The following ADCK1 variants were observed in gnomAD, a reference collection of about 807,000 sequenced individuals.
The protein encoded by ADCK1 is aarF domain containing kinase 1.
In ADCK1, 41 loss-of-function variants were observed where a neutral mutation model predicts 52.3. The observed-to-expected ratio is 0.78, with a 90% CI of 0.61 to 1.02. The LOEUF (loss-of-function observed/expected upper bound fraction) is 1.02. Ranked by LOEUF, ADCK1 falls within the 50% of genes least tolerant of loss-of-function variation. The pLI is 0.00. For missense variants in ADCK1, 658 were observed against 679.5 expected, an observed-to-expected ratio of 0.97 and a Z score of 0.35; for synonymous variants, 250 against 274.6, an observed-to-expected ratio of 0.91 and a Z score of 0.89.
intron 4 of ADCK1, among the ~76,000 whole-genome samples, chr14:77,883,406 G>A (rs533811943): frequency 2.7e-5 from 4 of 149,224 alleles, no homozygotes; most frequent in South Asian, 2.2e-4. Flanking sequence ...AGCTGCATGG[G>A]GGGTATAATT....
intron 4 of ADCK1, among the ~76,000 whole-genome samples, chr14:77,876,592 G>T (rs2082904665): frequency 6.6e-6 from 1 of 152,196 alleles, no homozygotes. Context: ...GTCACAACTG[G>T]TTACCTCTGT....
chr14:77,834,615 G>A (rs994747689), intron 3 of ADCK1, among the ~76,000 whole-genome samples: 4 of 152,202 alleles, frequency 2.6e-5, no homozygotes, highest in African/African-American at 9.7e-5. Flanking sequence ...ACAACCCCCT[G>A]GGTTTTTGGT....
intron 4 of ADCK1, among the ~76,000 whole-genome samples, chr14:77,880,768 A>G (rs145122655): frequency 4.6e-5 from 7 of 152,350 alleles, no homozygotes; most frequent in African/African-American, 1.7e-4. Context: ...CCCTGCTAAA[A>G]TACAAGTGTG....
At chr14:77,807,253 A>G (rs992920693) in intron 1 of ADCK1, among the ~76,000 whole-genome samples, 7 of 145,310 alleles carry the variant, frequency 4.8e-5, no homozygotes, top group African/African-American at 1.5e-4. Flanking sequence ...TATTTTTAGT[A>G]GAGACGGGGT....
chr14:77,841,386 T>A (rs2082062432), intron 3 of ADCK1, among the ~76,000 whole-genome samples: 1 of 152,134 alleles, frequency 6.6e-6, no homozygotes, highest in South Asian at 2.1e-4. Context: ...CAGGGCCTCC[T>A]ACGTGGCAGT....
At chr14:77,827,350 CAAAAA>C (rs772586548) in intron 3 of ADCK1, among the ~76,000 whole-genome samples, 2 of 72,064 alleles carry the variant, frequency 2.8e-5, no homozygotes, top group African/African-American at 4.7e-5. Context: ...GACTCTGTCT[CAAAAA>C]AAAAAAAAAA....
At chr14:77,848,102 A>T (rs2082208802) in intron 3 of ADCK1, among the ~76,000 whole-genome samples, 2 of 152,038 alleles carry the variant, frequency 1.3e-5, no homozygotes, top group Admixed American at 6.6e-5. Context: ...TGGGGGTCTC[A>T]TTTTGCTGAC....
intron 1 of ADCK1, among the ~76,000 whole-genome samples, chr14:77,806,696 G>A (rs548339482): frequency 3.2e-4 from 48 of 152,230 alleles, no homozygotes; most frequent in Non-Finnish European, 3.1e-4. Flanking sequence ...TCTGACCTGT[G>A]TCCAGGTTAT....
intron 9 of ADCK1, among the ~76,000 whole-genome samples, chr14:77,930,560 G>A (rs193220733): frequency 1.3e-3 from 196 of 152,268 alleles, no homozygotes; most frequent in African/African-American, 4.5e-3. Context: ...GAGGAGGTGT[G>A]GTATTGCCAG....
intron 7 of ADCK1, among the ~76,000 whole-genome samples, chr14:77,919,661 C>T (rs1264591843): frequency 6.6e-6 from 1 of 152,344 alleles, no homozygotes; most frequent in East Asian, 1.9e-4. Context: ...AATCTCCACA[C>T]TGTTTCCCAT....
At chr14:77,873,834 AT>A (rs1437568650) in intron 4 of ADCK1, among the ~76,000 whole-genome samples, 8 of 152,228 alleles carry the variant, frequency 5.3e-5, no homozygotes, top group Non-Finnish European at 1.0e-4. Flanking sequence ...CTGTAAGTCA[AT>A]TAAACCTGTT....
chr14:77,901,493 G>C (rs922100846), intron 6 of ADCK1, among the ~76,000 whole-genome samples: 1 of 151,830 alleles, frequency 6.6e-6, no homozygotes, highest in East Asian at 1.9e-4. Context: ...GGGTTCAGGC[G>C]ATTCTCCTGC....
chr14:77,900,802 C>G (rs1300751307), intron 6 of ADCK1: 8 of 329,392 alleles, frequency 2.4e-5, no homozygotes, highest in Non-Finnish European at 4.8e-5. Context: ...TCAAACTATT[C>G]CCTAACATAT....
At position 77,800,152 on chromosome 14, in the gene ADCK1, C is replaced by T. The variant is rs926556444; in HGVS notation, c.-30C>T. On this transcript the variant is annotated 5_prime_UTR_variant, in exon 1 of 11. Transcript: ENST00000238561. ...GGTTGCGGCCGGAAGCCGGGCGCCGCGGCTCTGCTTCCCTCGGGGTGAGTA... is the reference window on the plus strand; with the variant it reads ...GGTTGCGGCCGGAAGCCGGGCGCCGTGGCTCTGCTTCCCTCGGGGTGAGTA... 1.3e-5 allele frequency: 2 copies of T among 152,306 alleles called. No homozygotes were observed. Among genetic ancestry groups the T allele is most frequent in the South Asian group, 4.1e-4 (2 of 4,836 alleles). The allele number at this position is 152,306 out of a possible 1,614,324, so 9.4% of individuals were successfully genotyped here.
chr14:77,870,548 G>A (rs2082754456), intron 4 of ADCK1, among the ~76,000 whole-genome samples: 1 of 152,174 alleles, frequency 6.6e-6, no homozygotes, highest in Admixed American at 6.5e-5. Context: ...CTGCGAGGAG[G>A]CTCTTTCCAT....
chr14:77,807,508 AT>A (rs35510266), intron 1 of ADCK1, among the ~76,000 whole-genome samples: 3,081 of 130,268 alleles, frequency 0.024, 40 homozygotes, highest in Non-Finnish European at 0.035. Flanking sequence ...CGCCCAGCTA[AT>A]TTTTTTTTTT....
intron 5 of ADCK1, among the ~76,000 whole-genome samples, chr14:77,890,846 C>G (rs1055019625): frequency 2.0e-5 from 3 of 152,080 alleles, no homozygotes; most frequent in African/African-American, 7.2e-5. Flanking sequence ...GTGGTCAGAG[C>G]AGAGCATAGG....
chr14:77,922,375 G>A (rs1422932996), intron 7 of ADCK1, among the ~76,000 whole-genome samples: 1 of 152,234 alleles, frequency 6.6e-6, no homozygotes, highest in African/African-American at 2.4e-5. Context: ...GGCAGGAGCT[G>A]GAGGGCTGGC....
intron 4 of ADCK1, among the ~76,000 whole-genome samples, chr14:77,883,559 T>C (rs997111101): frequency 6.6e-6 from 1 of 152,204 alleles, no homozygotes; most frequent in Non-Finnish European, 1.5e-5. Flanking sequence ...AATTACCTTT[T>C]TTATAAGCCA....
Sources: gnomAD v4.1 joint callset for allele counts (sites outside exome capture counted in the v4.1 genomes callset) on GRCh38, gnomAD v4.1.1 for gene constraint, MANE v1.5 for transcripts, NCBI Gene and HGNC (gene_info 2026-07-23, HGNC 2026-07-21) for gene names.